Variants in KRABD5 observed in about 807,000 individuals in gnomAD.
The protein encoded by KRABD5 is KRAB domain containing 5.
chr16:31,713,606 G>A, the KRABD5 span: 1 of 978,956 alleles, frequency 1.0e-6, no homozygotes, highest in Non-Finnish European at 1.5e-6. Context: ...CCGGGACCCC[G>A]CGCGTCCGGT....
the KRABD5 span, among the ~76,000 whole-genome samples, chr16:31,728,247 C>T: frequency 3.4e-4 from 52 of 152,250 alleles, 1 homozygote; most frequent in East Asian, 9.8e-3. Context: ...AAACTCAATT[C>T]AGTTTCTTTG....
chr16:31,759,498 A>G, the KRABD5 span: 11 of 1,323,306 alleles, frequency 8.3e-6, no homozygotes, highest in Middle Eastern at 5.5e-4. Context: ...TTATTTGTCT[A>G]ACATGTACAG....
the KRABD5 span, chr16:31,754,332 C>G: frequency 3.3e-6 from 2 of 612,856 alleles, no homozygotes; most frequent in Non-Finnish European, 5.7e-6. Context: ...TTCATTCATT[C>G]ATCATTGCTT....
At chr16:31,747,816 T>C in the KRABD5 span, among the ~76,000 whole-genome samples, 5 of 152,212 alleles carry the variant, frequency 3.3e-5, no homozygotes, top group Non-Finnish European at 5.9e-5. Flanking sequence ...TCATGTCCTT[T>C]GCCCACTTTT....
At chr16:31,727,355 G>A in the KRABD5 span, among the ~76,000 whole-genome samples, 1 of 152,210 alleles carries the variant, frequency 6.6e-6, no homozygotes, top group Non-Finnish European at 1.5e-5. Flanking sequence ...GCTTCACTCA[G>A]GAAGAATTCA....
the KRABD5 span, among the ~76,000 whole-genome samples, chr16:31,730,061 C>A: frequency 6.6e-6 from 1 of 151,940 alleles, no homozygotes; most frequent in Non-Finnish European, 1.5e-5. Context: ...ACTTATGTAC[C>A]ACCATTACAA....
chr16:31,754,280 C>T, the KRABD5 span: 1 of 626,932 alleles, frequency 1.6e-6, no homozygotes, highest in South Asian at 1.9e-5. Context: ...GTTTCACCAA[C>T]AAATAACACC....
the KRABD5 span, among the ~76,000 whole-genome samples, chr16:31,721,687 G>A: frequency 6.6e-6 from 1 of 152,066 alleles, no homozygotes; most frequent in African/African-American, 2.4e-5. Flanking sequence ...TGTTCAAAAA[G>A]GATTCTACTA....
At chr16:31,718,026 C>T in the KRABD5 span, among the ~76,000 whole-genome samples, 1 of 152,152 alleles carries the variant, frequency 6.6e-6, no homozygotes, top group Non-Finnish European at 1.5e-5. Flanking sequence ...ATTCAGAGAC[C>T]ATGGGGGCTG....
At chr16:31,738,560 A>C in the KRABD5 span, among the ~76,000 whole-genome samples, 1 of 152,040 alleles carries the variant, frequency 6.6e-6, no homozygotes, top group Non-Finnish European at 1.5e-5. Context: ...TGTTCAGCTC[A>C]TATGTGTTCT....
At chr16:31,735,222 T>C in the KRABD5 span, among the ~76,000 whole-genome samples, 2 of 152,208 alleles carry the variant, frequency 1.3e-5, no homozygotes, top group Non-Finnish European at 2.9e-5. Flanking sequence ...TTCATCCATG[T>C]TATTGCAAAG....
At chr16:31,753,941 A>G in the KRABD5 span, 1 of 1,550,682 alleles carries the variant, frequency 6.4e-7, no homozygotes, top group Non-Finnish European at 8.7e-7. Flanking sequence ...ATGGACATAC[A>G]AAATGTAAGA....
At chr16:31,723,219 C>T in the KRABD5 span, 3 of 1,591,594 alleles carry the variant, frequency 1.9e-6, no homozygotes, top group African/African-American at 4.0e-5. Context: ...AATTAAAGAA[C>T]TCCCAGCAAG....
chr16:31,746,532 C>G, the KRABD5 span, among the ~76,000 whole-genome samples: 1 of 152,294 alleles, frequency 6.6e-6, no homozygotes, highest in African/African-American at 2.4e-5. Flanking sequence ...GCCTTTCTTT[C>G]TGGCTGCCCT....
chr16:31,754,980 G>A, the KRABD5 span: 1 of 460,200 alleles, frequency 2.2e-6, no homozygotes, highest in Non-Finnish European at 4.4e-6. Flanking sequence ...AAAGCGTGTA[G>A]CAAATGTTTT....
At chr16:31,724,105 C>A in the KRABD5 span, among the ~76,000 whole-genome samples, 3 of 152,134 alleles carry the variant, frequency 2.0e-5, no homozygotes, top group African/African-American at 7.2e-5. Flanking sequence ...ACTTTCAACT[C>A]TTACCTTATA....
At chr16:31,754,328 C>T in the KRABD5 span, 1 of 613,048 alleles carries the variant, frequency 1.6e-6, no homozygotes, top group Non-Finnish European at 2.9e-6. Context: ...GGTCTTCATT[C>T]ATTCATCATT....
At chr16:31,718,140 C>T in the KRABD5 span, among the ~76,000 whole-genome samples, 1 of 152,160 alleles carries the variant, frequency 6.6e-6, no homozygotes, top group African/African-American at 2.4e-5. Flanking sequence ...GTGCGTGCCA[C>T]TTCTCTGCCC....
the KRABD5 span, chr16:31,753,810 A>C: frequency 1.3e-6 from 2 of 1,545,422 alleles, no homozygotes; most frequent in Non-Finnish European, 1.7e-6. Flanking sequence ...AAAGAAGCTT[A>C]TAGAAGCATC....
Sources: allele counts gnomAD v4.1 joint callset (sites outside exome capture counted in the v4.1 genomes callset), GRCh38; gene constraint gnomAD v4.1.1; transcripts MANE v1.5; gene names NCBI Gene and HGNC (gene_info 2026-07-23, HGNC 2026-07-21).